Variants in UST observed in about 807,000 individuals in gnomAD.
UST encodes the protein chondroitin sulfate 2-O-sulfotransferase.
A neutral mutation model predicts 45.6 loss-of-function variants in UST; 21 were observed. That is an observed-to-expected ratio of 0.46 (90% CI 0.33 to 0.66). The LOEUF is 0.66. UST is among the 30% of genes least tolerant of loss of function. The probability of loss-of-function intolerance (pLI) is 0.02; values close to 1 mark genes in which losing one functional copy is unlikely to be tolerated. For missense variants in UST, 463 were observed against 512.4 expected (o/e 0.90, Z 0.93); for synonymous variants, 215 against 200.6 (o/e 1.07, Z -0.61).
At chr6:148,961,690 T>G (rs1015135201) in intron 4 of UST, among the ~76,000 whole-genome samples, 4 of 152,182 alleles carry the variant, frequency 2.6e-5, no homozygotes. Flanking sequence ...ACAGGGAGGT[T>G]GTGGAATCTT....
intron 5 of UST, among the ~76,000 whole-genome samples, chr6:148,975,598 T>C (rs1312971840): frequency 6.6e-6 from 1 of 152,154 alleles, no homozygotes; most frequent in Admixed American, 6.5e-5. Flanking sequence ...ATCATTATAA[T>C]AATAATATTA....
At chr6:148,901,020 A>C (rs568697746) in intron 2 of UST, among the ~76,000 whole-genome samples, 1 of 152,246 alleles carries the variant, frequency 6.6e-6, no homozygotes, top group Non-Finnish European at 1.5e-5. Flanking sequence ...CATTGGACTC[A>C]CCTGGGTAAT....
At chr6:148,827,037 T>A (rs1020560583) in intron 1 of UST, among the ~76,000 whole-genome samples, 4 of 152,124 alleles carry the variant, frequency 2.6e-5, no homozygotes, top group Non-Finnish European at 5.9e-5. Context: ...AGTTAGGCCA[T>A]AAACATCATT....
chr6:148,932,316 G>A (rs1488896163), intron 2 of UST, among the ~76,000 whole-genome samples: 3 of 152,110 alleles, frequency 2.0e-5, no homozygotes. Flanking sequence ...AGAAGCAGAG[G>A]TAGCAATGAA....
At chr6:148,833,007 A>G (rs55863178) in intron 1 of UST, among the ~76,000 whole-genome samples, 11,274 of 152,268 alleles carry the variant, frequency 0.074, 489 homozygotes, top group Non-Finnish European at 0.11. Flanking sequence ...AAGAAAGTAT[A>G]GGAGCTCCCT....
intron 7 of UST, among the ~76,000 whole-genome samples, chr6:149,056,122 T>TTTC (rs1776561539): frequency 7.6e-5 from 5 of 65,456 alleles, no homozygotes; most frequent in Admixed American, 7.5e-4. Flanking sequence ...CTTTTCTTTT[T>TTTC]TTTTTTTTTT....
intron 7 of UST, among the ~76,000 whole-genome samples, chr6:149,049,485 A>T (rs930187727): frequency 6.6e-6 from 1 of 152,186 alleles, no homozygotes; most frequent in Non-Finnish European, 1.5e-5. Flanking sequence ...GGGTGGTGGG[A>T]TTATTAGTAA....
At chr6:149,038,350 G>A (rs1185389852) in intron 7 of UST, among the ~76,000 whole-genome samples, 2 of 149,082 alleles carry the variant, frequency 1.3e-5, no homozygotes, top group East Asian at 3.9e-4. Flanking sequence ...GATTAGGGTG[G>A]ACCCTAAATC....
At chr6:148,977,034 G>C (rs147148086) in intron 5 of UST, among the ~76,000 whole-genome samples, 12 of 151,886 alleles carry the variant, frequency 7.9e-5, no homozygotes, top group African/African-American at 2.9e-4. Context: ...AATTTATTCT[G>C]GTGTCAGGTA....
intron 1 of UST, among the ~76,000 whole-genome samples, chr6:148,799,937 C>A (rs1777026870): frequency 6.6e-6 from 1 of 152,198 alleles, no homozygotes; most frequent in Non-Finnish European, 1.5e-5. Context: ...CCCTCTTTCT[C>A]TCTCTTGTGT....
chr6:148,837,372 T>C (rs994395222), intron 1 of UST, among the ~76,000 whole-genome samples: 1 of 152,162 alleles, frequency 6.6e-6, no homozygotes, highest in Non-Finnish European at 1.5e-5. Context: ...ATCAAGGAGA[T>C]AGGTTTGTTC....
chr6:148,846,211 T>C (rs1201699077), intron 1 of UST, among the ~76,000 whole-genome samples: 1 of 150,918 alleles, frequency 6.6e-6, no homozygotes, highest in African/African-American at 2.4e-5. Flanking sequence ...TGTCCAACAA[T>C]GATAGACTGG....
chr6:149,070,504 C>T (rs1049911584), intron 7 of UST, among the ~76,000 whole-genome samples: 1 of 152,220 alleles, frequency 6.6e-6, no homozygotes, highest in African/African-American at 2.4e-5. Flanking sequence ...AGGATCTAGG[C>T]TCCCCTGTGC....
chr6:148,946,813 CAA>C (rs60990121), intron 3 of UST, among the ~76,000 whole-genome samples: 102 of 56,798 alleles, frequency 1.8e-3, no homozygotes, highest in African/African-American at 7.0e-3. Context: ...GACTCCATCC[CAA>C]AAAAAAAAAA....
chr6:148,913,764 TAA>T (rs1334885895), intron 2 of UST, among the ~76,000 whole-genome samples: 2 of 152,210 alleles, frequency 1.3e-5, no homozygotes, highest in African/African-American at 2.4e-5. Flanking sequence ...GGAAAAATAT[TAA>T]GTCTACTAGA....
intron 1 of UST, among the ~76,000 whole-genome samples, chr6:148,791,489 G>C (rs967011423): frequency 1.3e-5 from 2 of 152,174 alleles, no homozygotes; most frequent in African/African-American, 4.8e-5. Context: ...AGTGCGTAGG[G>C]TCAGAGAAAT....
At chr6:148,894,088 A>T (rs567841138) in intron 2 of UST, among the ~76,000 whole-genome samples, 88 of 152,278 alleles carry the variant, frequency 5.8e-4, no homozygotes, top group Admixed American at 1.6e-3. Flanking sequence ...TAAGAGTGGT[A>T]GGTGGGAAAT....
chr6:148,960,995 G>T (rs902992422), intron 4 of UST, among the ~76,000 whole-genome samples: 2 of 152,186 alleles, frequency 1.3e-5, no homozygotes, highest in Admixed American at 1.3e-4. Flanking sequence ...AGGTAGCAGT[G>T]TGGGACCAAT....
chr6:148,959,420 A>G (rs1281046019), intron 4 of UST, among the ~76,000 whole-genome samples: 2 of 152,208 alleles, frequency 1.3e-5, no homozygotes, highest in African/African-American at 2.4e-5. Context: ...TTAGCAGTTA[A>G]CACCGTCTCT....
Sources: gnomAD v4.1 joint callset for allele counts (sites outside exome capture counted in the v4.1 genomes callset) on GRCh38, gnomAD v4.1.1 for gene constraint, MANE v1.5 for transcripts, NCBI Gene and HGNC (gene_info 2026-07-23, HGNC 2026-07-21) for gene names.